The following LRRC4C variants were observed in gnomAD, a reference collection of about 807,000 sequenced individuals.
LRRC4C encodes leucine rich repeat containing 4C.
In LRRC4C, 5 loss-of-function variants were observed where a neutral mutation model predicts 33.6. The ratio of observed to expected loss-of-function variants is 0.15; its 90% CI spans 0.08 to 0.31. LRRC4C has a LOEUF of 0.31. LRRC4C is among the 10% of genes least tolerant of loss of function. The pLI is 1.00. For synonymous variants in LRRC4C, 329 were observed against 302.0 expected, an observed-to-expected ratio of 1.09 and a Z score of -0.93; for missense variants, 560 against 796.7, an observed-to-expected ratio of 0.70 and a Z score of 3.58.
chr11:41,265,317 A>T (rs1264517530), intron 1 of LRRC4C, among the ~76,000 whole-genome samples: 2 of 152,140 alleles, frequency 1.3e-5, no homozygotes, highest in African/African-American at 4.8e-5. Context: ...ACGTTAGAGT[A>T]AACCAAGAGG....
At chr11:41,020,151 T>G (rs2137656644) in intron 1 of LRRC4C, among the ~76,000 whole-genome samples, 1 of 152,310 alleles carries the variant, frequency 6.6e-6, no homozygotes, top group South Asian at 2.1e-4. Flanking sequence ...AATGGTTTTA[T>G]TGTTTCCAAT....
chr11:40,398,697 A>C (rs1367777742), intron 3 of LRRC4C, among the ~76,000 whole-genome samples: 1 of 152,074 alleles, frequency 6.6e-6, no homozygotes, highest in East Asian at 1.9e-4. Context: ...TTAAAATTGC[A>C]CATTAGGACC....
At chr11:41,340,687 C>G (rs1284528343) in intron 1 of LRRC4C, among the ~76,000 whole-genome samples, 1 of 152,042 alleles carries the variant, frequency 6.6e-6, no homozygotes, top group Non-Finnish European at 1.5e-5. Flanking sequence ...TACTTAGAGT[C>G]TATTTGTCTC....
intron 3 of LRRC4C, among the ~76,000 whole-genome samples, chr11:40,349,727 A>G (rs1275137428): frequency 6.6e-6 from 1 of 152,146 alleles, no homozygotes; most frequent in Non-Finnish European, 1.5e-5. Flanking sequence ...CATTCTTGCC[A>G]GCATTTGTTA....
chr11:40,554,457 C>A (rs576903013), intron 3 of LRRC4C, among the ~76,000 whole-genome samples: 2 of 151,152 alleles, frequency 1.3e-5, no homozygotes, highest in Admixed American at 6.6e-5. Flanking sequence ...TCTTTTGGTT[C>A]CCTATGAATT....
intron 1 of LRRC4C, among the ~76,000 whole-genome samples, chr11:41,420,809 G>T (rs771898676): frequency 1.3e-5 from 2 of 151,896 alleles, no homozygotes; most frequent in Non-Finnish European, 2.9e-5. Context: ...TCACATTGAG[G>T]ATTAACTAAA....
intron 2 of LRRC4C, among the ~76,000 whole-genome samples, chr11:40,861,883 G>A (rs1302175108): frequency 6.6e-6 from 1 of 152,124 alleles, no homozygotes. Context: ...TAAACAAACA[G>A]TTCTCAGCGT....
At chr11:40,814,058 C>T (rs1265340639) in intron 2 of LRRC4C, among the ~76,000 whole-genome samples, 1 of 152,036 alleles carries the variant, frequency 6.6e-6, no homozygotes, top group Non-Finnish European at 1.5e-5. Flanking sequence ...TGTCAGTGGC[C>T]CTCTTCTCAC....
At chr11:40,374,616 T>G (rs1389921322) in intron 3 of LRRC4C, among the ~76,000 whole-genome samples, 1 of 152,206 alleles carries the variant, frequency 6.6e-6, no homozygotes, top group Non-Finnish European at 1.5e-5. Flanking sequence ...AGTATTCTAC[T>G]TTTAGATTTC....
At chr11:40,290,882 T>TA (rs1242484961) in intron 4 of LRRC4C, among the ~76,000 whole-genome samples, 1 of 152,112 alleles carries the variant, frequency 6.6e-6, no homozygotes. Context: ...TCAGGACCAA[T>TA]GTGCCTTCCT....
chr11:41,056,226 A>G (rs1233602918), intron 1 of LRRC4C, among the ~76,000 whole-genome samples: 1 of 152,206 alleles, frequency 6.6e-6, no homozygotes, highest in Non-Finnish European at 1.5e-5. Flanking sequence ...TCTTTCTTAA[A>G]TATGACTCCA....
intron 3 of LRRC4C, among the ~76,000 whole-genome samples, chr11:40,578,145 T>TTTTTTTTTTG (rs1958294607): frequency 1.2e-5 from 1 of 81,594 alleles, no homozygotes; most frequent in Admixed American, 1.4e-4. Context: ...TTTTCGGTTT[T>TTTTTTTTTTG]TTTTTTTTTT....
chr11:40,632,830 A>G lies in LRRC4C; in HGVS notation c.-270+15312T>C, dbSNP rs556174474. Among the ~76,000 whole-genome samples, 9 of 152,348 alleles carry G rather than the reference A, an allele frequency of 5.9e-5. No homozygotes were observed. In the South Asian group the frequency reaches 1.7e-3, roughly 28 times the overall value. On this transcript the variant is annotated intron_variant, in intron 3 of 6. Coordinates refer to ENST00000528697, the MANE Select transcript of LRRC4C (RefSeq NM_001258419.2). Reference sequence around the variant, plus strand: ...GGCAGTGGCTCTGGAGGGTCTGAGCAATGAAGATACTTTAGCAATAAAAAC... The same window carrying G: ...GGCAGTGGCTCTGGAGGGTCTGAGCGATGAAGATACTTTAGCAATAAAAAC...
intron 2 of LRRC4C, among the ~76,000 whole-genome samples, chr11:40,664,292 C>A (rs1279476645): frequency 1.3e-5 from 2 of 152,082 alleles, no homozygotes. Context: ...TGCCTATAAT[C>A]CTAGCACTTT....
Position 40,222,569 on chromosome 11 carries a change from C to T in LRRC4C, c.-96+18950G>A, listed in dbSNP as rs182722850. Among the ~76,000 whole-genome samples the T allele has an allele frequency of 1.3e-5, 2 of 152,266 alleles. 1 individual carries two copies. Among genetic ancestry groups the T allele is most frequent in the Admixed American group, 1.3e-4 (2 of 15,284 alleles). On this transcript the variant is annotated intron_variant, in intron 5 of 6. Transcript: ENST00000528697. ...TATTGATGTGCTATAACACATTTACCTATTTTCTCTACCTCTGGGCATTTT... is the reference window on the plus strand; with the variant it reads ...TATTGATGTGCTATAACACATTTACTTATTTTCTCTACCTCTGGGCATTTT...
intron 1 of LRRC4C, among the ~76,000 whole-genome samples, chr11:41,139,462 A>G (rs1397123840): frequency 6.6e-6 from 1 of 152,224 alleles, no homozygotes; most frequent in African/African-American, 2.4e-5. Flanking sequence ...AGATCTATGT[A>G]TGGCAATAAT....
At chr11:41,396,162 A>T (rs1205426956) in intron 1 of LRRC4C, among the ~76,000 whole-genome samples, 1 of 152,024 alleles carries the variant, frequency 6.6e-6, no homozygotes, top group Admixed American at 6.6e-5. Flanking sequence ...TGCAGATATT[A>T]GTTTATAATT....
intron 1 of LRRC4C, among the ~76,000 whole-genome samples, chr11:41,355,296 T>G (rs757588016): frequency 6.6e-6 from 1 of 152,074 alleles, no homozygotes; most frequent in African/African-American, 2.4e-5. Context: ...AACAACTACA[T>G]CTCATCTTTC....
chr11:40,205,571 G>T (rs1372610542), intron 5 of LRRC4C, among the ~76,000 whole-genome samples: 1 of 151,906 alleles, frequency 6.6e-6, no homozygotes, highest in Non-Finnish European at 1.5e-5. Context: ...TTTTTCTCCT[G>T]CAGACTTTGC....
Sources: gnomAD v4.1 joint callset for allele counts (sites outside exome capture counted in the v4.1 genomes callset) on GRCh38, gnomAD v4.1.1 for gene constraint, MANE v1.5 for transcripts, NCBI Gene and HGNC (gene_info 2026-07-23, HGNC 2026-07-21) for gene names.